Variants in SMG6 observed in about 807,000 individuals in gnomAD.
SMG6 encodes telomerase-binding protein EST1A.
In SMG6, 66 loss-of-function variants were observed where a neutral mutation model predicts 142.2. The ratio of observed to expected loss-of-function variants is 0.46; its 90% CI spans 0.38 to 0.57. SMG6 has a LOEUF of 0.57. SMG6 is among the 20% of genes least tolerant of loss of function. SMG6 has a pLI of 0.00. For synonymous variants in SMG6, 779 were observed against 702.4 expected (o/e 1.11, Z -1.72); for missense variants, 1,793 against 1,832.0 (o/e 0.98, Z 0.39).
intron 13 of SMG6, among the ~76,000 whole-genome samples, chr17:2,138,223 T>G (rs1451565618): frequency 2.0e-5 from 3 of 151,696 alleles, no homozygotes; most frequent in Non-Finnish European, 4.4e-5. Context: ...GTGGCTGGGA[T>G]TAGTGAAAAT....
chr17:2,065,932 T>C (rs985746010), intron 16 of SMG6: 20 of 552,060 alleles, frequency 3.6e-5, no homozygotes, highest in Non-Finnish European at 5.5e-5. Context: ...CTTAAAGGAA[T>C]CTTCTGGAGC....
intron 8 of SMG6, among the ~76,000 whole-genome samples, chr17:2,267,350 A>G (rs1397182553): frequency 7.0e-6 from 1 of 141,882 alleles, no homozygotes; most frequent in Non-Finnish European, 1.6e-5. Flanking sequence ...ACCACCCACC[A>G]CACCTGGCTA....
Position 2,300,468 on chromosome 17 carries a change from T to C in SMG6, c.285A>G (p.Lys95=). 1.2e-6 allele frequency: 2 copies of C among 1,614,206 alleles called. No individual in the cohort carries two copies. Among genetic ancestry groups the C allele is most frequent in the Non-Finnish European group, 1.7e-6 (2 of 1,180,024 alleles). The change falls in exon 2 of 19, where the codon AAA becomes AAG. Residue 95 remains lysine, a synonymous_variant. Coordinates refer to ENST00000263073, the MANE Select transcript of SMG6 (RefSeq NM_017575.5). ...GGTTGTTCAGTTCCTTGCAGACATCTTTAACGGGCTGTGTACCATTTTCAA... is the reference window on the plus strand; with the variant it reads ...GGTTGTTCAGTTCCTTGCAGACATCCTTAACGGGCTGTGTACCATTTTCAA... The part of the protein sequence containing the change: ...SAVENGTQPV[K]DVCKELNNQE...
chr17:2,268,134 G>A (rs2151349945), intron 8 of SMG6, among the ~76,000 whole-genome samples: 1 of 152,136 alleles, frequency 6.6e-6, no homozygotes, highest in South Asian at 2.1e-4. Context: ...CCAACTCCTG[G>A]GTTCATGCAA....
At chr17:2,124,849 C>T (rs755516224) in intron 13 of SMG6, among the ~76,000 whole-genome samples, 1 of 152,144 alleles carries the variant, frequency 6.6e-6, no homozygotes, top group Non-Finnish European at 1.5e-5. Flanking sequence ...AACGTGCAGG[C>T]ATCTCTTAGA....
At chr17:2,110,806 C>T (rs1238021991) in intron 13 of SMG6, among the ~76,000 whole-genome samples, 1 of 152,116 alleles carries the variant, frequency 6.6e-6, no homozygotes, top group East Asian at 1.9e-4. Context: ...GAAAGAGCTC[C>T]CACCCCAGAG....
At chr17:2,090,464 G>A (rs1201493973) in intron 13 of SMG6, among the ~76,000 whole-genome samples, 1 of 152,264 alleles carries the variant, frequency 6.6e-6, no homozygotes, top group South Asian at 2.1e-4. Context: ...TCCAAATCTA[G>A]CCAGGGAATA....
intron 12 of SMG6, among the ~76,000 whole-genome samples, chr17:2,184,211 A>T (rs974353610): frequency 1.4e-4 from 21 of 152,218 alleles, no homozygotes; most frequent in Middle Eastern, 6.8e-3. Context: ...AAACATAAAA[A>T]AATTAGCCAG....
chr17:2,199,668 G>A (rs143838827), intron 10 of SMG6: 15,564 of 151,984 alleles, frequency 0.1, 885 homozygotes, highest in African/African-American at 0.12. Context: ...CGCTTTGAGA[G>A]GCTGAGGCGG....
chr17:2,236,235 C>A, intron 10 of SMG6: 1 of 304,932 alleles, frequency 3.3e-6, no homozygotes, highest in Non-Finnish European at 6.1e-6. Context: ...GCCAGATGTG[C>A]AACTGCATCT....
chr17:2,240,802 G>C (rs761651636), intron 9 of SMG6, among the ~76,000 whole-genome samples: 2 of 152,228 alleles, frequency 1.3e-5, no homozygotes, highest in Non-Finnish European at 2.9e-5. Flanking sequence ...CAGCGTCCGA[G>C]CTTTTCCGAA....
In SMG6 at chr17:2,297,264, G is replaced by A; in HGVS notation, c.2130C>T (p.Arg710=). 2 of 1,606,952 alleles carry A rather than the reference G, an allele frequency of 1.2e-6. No homozygotes were observed. Among genetic ancestry groups the A allele is most frequent in the Non-Finnish European group, 1.7e-6 (2 of 1,177,680 alleles). The part of the protein sequence containing the change: ...LEDYMDGLAI[R]SKPLRKTVKY... Reference sequence around the variant, plus strand: ...TTACTGTCTTGCGTAATGGCTTGCTGCGAATGGCAAGACCATCCATGTAGT... The same window carrying A: ...TTACTGTCTTGCGTAATGGCTTGCTACGAATGGCAAGACCATCCATGTAGT... Residue 710 remains arginine (R), a synonymous_variant, in exon 4 of 19, where the codon CGC becomes CGT. Transcript: ENST00000263073.
chr17:2,208,410 C>A (rs768822046), intron 10 of SMG6, among the ~76,000 whole-genome samples: 3 of 152,140 alleles, frequency 2.0e-5, no homozygotes, highest in Non-Finnish European at 4.4e-5. Context: ...CAGCTGTCCT[C>A]GTACAGGATT....
At chr17:2,227,376 T>C (rs538237122) in intron 10 of SMG6, among the ~76,000 whole-genome samples, 12 of 152,320 alleles carry the variant, frequency 7.9e-5, no homozygotes, top group Admixed American at 6.5e-4. Context: ...TCCAGACTCC[T>C]CAGTAATGCA....
At chr17:2,254,319 A>G (rs1334840751) in intron 8 of SMG6, among the ~76,000 whole-genome samples, 2 of 152,190 alleles carry the variant, frequency 1.3e-5, no homozygotes, top group Non-Finnish European at 2.9e-5. Flanking sequence ...AAGAGCACAT[A>G]CATAAGCTCA....
intron 10 of SMG6, among the ~76,000 whole-genome samples, chr17:2,189,485 G>A (rs2151695086): frequency 6.6e-6 from 1 of 152,158 alleles, no homozygotes; most frequent in African/African-American, 2.4e-5. Context: ...CAGAATCAGG[G>A]GCCAGGCTCA....
At chr17:2,171,353 A>AGG (rs1295985423) in intron 13 of SMG6, among the ~76,000 whole-genome samples, 4 of 61,254 alleles carry the variant, frequency 6.5e-5, no homozygotes, top group Admixed American at 5.7e-4. Context: ...TTGAAAATGA[A>AGG]AGAGTGTGTG....
chr17:2,255,549 C>T (rs1038929305), intron 8 of SMG6, among the ~76,000 whole-genome samples: 8 of 151,842 alleles, frequency 5.3e-5, no homozygotes, highest in Admixed American at 2.0e-4. Flanking sequence ...CCAGCTGCCC[C>T]GTCCGGGAGG....
chr17:2,216,646 A>C (rs1252503355), intron 10 of SMG6, among the ~76,000 whole-genome samples: 2 of 152,172 alleles, frequency 1.3e-5, no homozygotes, highest in African/African-American at 4.8e-5. Context: ...TAGGCACCTA[A>C]CTTTTTCAAA....
Sources: gnomAD v4.1 joint callset for allele counts (sites outside exome capture counted in the v4.1 genomes callset) on GRCh38, gnomAD v4.1.1 for gene constraint, MANE v1.5 for transcripts, NCBI Gene and HGNC (gene_info 2026-07-23, HGNC 2026-07-21) for gene names.